HDAC4: variants seen among roughly 807,000 people sequenced by gnomAD.
HDAC4 encodes histone deacetylase 4.
HDAC4 carries 16 observed loss-of-function variants against 135.1 expected under a neutral mutation model. The observed-to-expected ratio is 0.12, with a 90% CI of 0.08 to 0.18. HDAC4 has a LOEUF of 0.18. Among genes scored for constraint, HDAC4 ranks in the 10% least tolerant of loss-of-function variants. HDAC4 has a pLI of 1.00. For missense variants in HDAC4, 1,143 were observed against 1,511.8 expected, an observed-to-expected ratio of 0.76 and a Z score of 4.05; for synonymous variants, 685 against 653.4, an observed-to-expected ratio of 1.05 and a Z score of -0.74.
chr2:239,078,417 G>T (rs1011692668), intron 22 of HDAC4, among the ~76,000 whole-genome samples: 1 of 152,166 alleles, frequency 6.6e-6, no homozygotes, highest in Non-Finnish European at 1.5e-5. Flanking sequence ...GGGCCCCCGT[G>T]GGGGAGAAGA....
chr2:239,121,417 A>G (rs1575104216), intron 12 of HDAC4, among the ~76,000 whole-genome samples: 1 of 152,092 alleles, frequency 6.6e-6, no homozygotes, highest in Non-Finnish European at 1.5e-5. Flanking sequence ...GGCCACTGCA[A>G]CCTGCCTGCC....
At chr2:239,244,130 G>A (rs139720609) in intron 2 of HDAC4, among the ~76,000 whole-genome samples, 1 of 152,308 alleles carries the variant, frequency 6.6e-6, no homozygotes, top group African/African-American at 2.4e-5. Context: ...GAGAAGCCCC[G>A]ATACCTTCAA....
At chr2:239,295,029 C>A (rs751487209) in intron 2 of HDAC4, among the ~76,000 whole-genome samples, 5 of 152,074 alleles carry the variant, frequency 3.3e-5, no homozygotes, top group African/African-American at 1.2e-4. Flanking sequence ...GATTATAGGC[C>A]GGGCGCGGTG....
intron 1 of HDAC4, among the ~76,000 whole-genome samples, chr2:239,364,875 C>T (rs561235110): frequency 6.6e-6 from 1 of 152,326 alleles, no homozygotes; most frequent in African/African-American, 2.4e-5. Flanking sequence ...CATACTACTC[C>T]TCTTAAAAGA....
rs1411582353 is a variant in HDAC4, at chr2:239,082,167, G to A, written c.2587C>T (p.Leu863=). ...TCGTAGCGGTGGAGGGACATGTACA[G>A]GACGCTGGGGTCGCTGTAGAAAGCC... The part of the protein sequence containing the change: ...QQAFYSDPSV[L]YMSLHRYDDG... The change falls in exon 21 of 27, where the codon CTG becomes TTG. Residue 863 remains leucine (L), a synonymous_variant. Transcript: ENST00000543185. 6.2e-7 allele frequency: 1 copy of A among 1,614,196 alleles called. No homozygotes were observed. Among genetic ancestry groups the A allele is most frequent in the Admixed American group, 1.7e-5 (1 of 60,036 alleles).
At chr2:239,358,552 T>G (rs1040416185) in intron 1 of HDAC4, among the ~76,000 whole-genome samples, 1 of 152,214 alleles carries the variant, frequency 6.6e-6, no homozygotes, top group Non-Finnish European at 1.5e-5. Context: ...GTGTGCTAAC[T>G]GCTGCTGGGC....
intron 2 of HDAC4, among the ~76,000 whole-genome samples, chr2:239,252,405 C>CCACCATGGACACGGCCCACGT (rs1559287296): frequency 2.0e-5 from 3 of 152,220 alleles, no homozygotes; most frequent in African/African-American, 7.2e-5. Context: ...ATGGCCCACG[C>CCACCATGGACACGGCCCACGT]CACCATGGAC....
At chr2:239,338,357 G>A (rs1301106795) in intron 2 of HDAC4, among the ~76,000 whole-genome samples, 4 of 151,932 alleles carry the variant, frequency 2.6e-5, no homozygotes, top group African/African-American at 9.7e-5. Flanking sequence ...CTCTCCTCCC[G>A]CTTCCCTTCA....
chr2:239,125,522 C>G (rs932322975), intron 12 of HDAC4, among the ~76,000 whole-genome samples: 1 of 152,164 alleles, frequency 6.6e-6, no homozygotes, highest in African/African-American at 2.4e-5. Flanking sequence ...TGGCCTGAAA[C>G]AGGGACTCAG....
chr2:239,162,073 G>A (rs990729502), intron 6 of HDAC4: 5 of 452,836 alleles, frequency 1.1e-5, no homozygotes, highest in South Asian at 4.7e-5. Flanking sequence ...CCATGCTGCC[G>A]TGGCCACCCT....
At chr2:239,134,807 C>T (rs1250412213) in intron 9 of HDAC4, among the ~76,000 whole-genome samples, 164 bp from the exon 10 acceptor site, 17 of 152,204 alleles carry the variant, frequency 1.1e-4, no homozygotes, top group Non-Finnish European at 2.2e-4. Context: ...GATTTCAACA[C>T]GTGCCACAAC....
chr2:239,093,544 A>G (rs1297888501), intron 17 of HDAC4, among the ~76,000 whole-genome samples: 2 of 152,356 alleles, frequency 1.3e-5, no homozygotes, highest in African/African-American at 2.4e-5. Context: ...CAATGGGAAG[A>G]AAACACATCC....
chr2:239,050,642 T>TTAA lies in HDAC4; in HGVS notation c.*2452_*2454dup, dbSNP rs1352984077. Reference sequence around the variant, plus strand: ...GCACTCATTTGGTCAAAAGTTTGAGTTAATTTCAGAAGCTACCCTGTAAAC... The same window carrying TTAA: ...GCACTCATTTGGTCAAAAGTTTGAGTTAATAATTTCAGAAGCTACCCTGTAAAC... On this transcript the variant is annotated 3_prime_UTR_variant, in exon 27 of 27. Transcript: ENST00000543185. 3 of 152,608 alleles carry TTAA rather than the reference T, an allele frequency of 2.0e-5. No individual in the cohort carries two copies. Among genetic ancestry groups the TTAA allele is most frequent in the African/African-American group, 7.2e-5 (3 of 41,434 alleles). The allele number at this position is 152,608 out of a possible 1,614,324, so 9.5% of individuals were successfully genotyped here. A position where few individuals can be genotyped will look rare whatever the true frequency, so the allele number is the denominator to read the frequency against.
chr2:239,058,113 G>A (rs961518690), intron 24 of HDAC4, among the ~76,000 whole-genome samples: 1 of 152,210 alleles, frequency 6.6e-6, no homozygotes, highest in African/African-American at 2.4e-5. Flanking sequence ...GTCTACTCTG[G>A]CACCCTAATT....
chr2:239,100,881 C>CCTTCCAGA (rs1240682374), intron 16 of HDAC4, among the ~76,000 whole-genome samples: 1 of 152,102 alleles, frequency 6.6e-6, no homozygotes, highest in Non-Finnish European at 1.5e-5. Context: ...TTCCACCGTC[C>CCTTCCAGA]CTTCCAGAGG....
At chr2:239,198,207 C>A (rs918993120) in intron 3 of HDAC4, among the ~76,000 whole-genome samples, 1 of 152,154 alleles carries the variant, frequency 6.6e-6, no homozygotes, top group African/African-American at 2.4e-5. Context: ...AAAAGCCTCC[C>A]CTCAGGTGCC....
intron 9 of HDAC4, among the ~76,000 whole-genome samples, chr2:239,135,118 G>T (rs949672377): frequency 6.6e-6 from 1 of 152,232 alleles, no homozygotes; most frequent in African/African-American, 2.4e-5. Flanking sequence ...TGATTGGATT[G>T]TTTGTTACAC....
At chr2:239,103,736 G>A (rs941232784) in intron 15 of HDAC4, among the ~76,000 whole-genome samples, 1 of 152,242 alleles carries the variant, frequency 6.6e-6, no homozygotes, top group African/African-American at 2.4e-5. Flanking sequence ...TGTCCACCCT[G>A]TATGTGAGAC....
intron 2 of HDAC4, among the ~76,000 whole-genome samples, chr2:239,336,835 T>C (rs534605663): frequency 6.6e-6 from 1 of 152,358 alleles, no homozygotes; most frequent in Non-Finnish European, 1.5e-5. Context: ...TCCTGAAGTT[T>C]CCCACTAATG....
Sources: allele counts gnomAD v4.1 joint callset (sites outside exome capture counted in the v4.1 genomes callset), GRCh38; gene constraint gnomAD v4.1.1; transcripts MANE v1.5; gene names NCBI Gene and HGNC (gene_info 2026-07-23, HGNC 2026-07-21).